DNM2: variants seen among roughly 807,000 people sequenced by gnomAD.
The protein encoded by DNM2 is dynamin 2, also known as dynamin-2.
DNM2 carries 15 observed loss-of-function variants against 99.0 expected under a neutral mutation model. The observed-to-expected ratio is 0.15, with a 90% CI of 0.10 to 0.23. DNM2 has a LOEUF of 0.23. Ranked by LOEUF, DNM2 falls within the 10% of genes least tolerant of loss-of-function variation. The pLI is 1.00. For missense variants in DNM2, 742 were observed against 1,189.4 expected (o/e 0.62, Z 5.53); for synonymous variants, 525 against 481.2 (o/e 1.09, Z -1.19).
intron 1 of DNM2, among the ~76,000 whole-genome samples, chr19:10,743,809 C>CAAAAAAA (rs35999203): frequency 3.7e-4 from 12 of 32,652 alleles, no homozygotes; most frequent in African/African-American, 1.6e-3. Context: ...GACTCTGTCT[C>CAAAAAAA]AAAAAAAAAA....
chr19:10,759,667 A>G (rs2070549851), intron 1 of DNM2, 71 bp from the exon 2 acceptor site: 3 of 1,590,740 alleles, frequency 1.9e-6, no homozygotes, highest in East Asian at 2.2e-5. Flanking sequence ...TTGCTCCACC[A>G]CATGTGGTCA....
chr19:10,719,260 G>A (rs937870782), intron 1 of DNM2, among the ~76,000 whole-genome samples: 1 of 152,168 alleles, frequency 6.6e-6, no homozygotes, highest in African/African-American at 2.4e-5. Flanking sequence ...GAACAGAGCT[G>A]AAGGAGGAGG....
At chr19:10,797,575 A>G in intron 10 of DNM2, 57 bp downstream of exon 10, 2 of 1,611,722 alleles carry the variant, frequency 1.2e-6, no homozygotes, top group Non-Finnish European at 1.7e-6. Flanking sequence ...TCCATGTGTT[A>G]GTCTCAACCC....
chr19:10,819,805 G>A (rs2072912400), intron 15 of DNM2, among the ~76,000 whole-genome samples, 175 bp from the exon 16 acceptor site: 1 of 152,198 alleles, frequency 6.6e-6, no homozygotes, highest in African/African-American at 2.4e-5. Flanking sequence ...GGAGGGCAGC[G>A]TGGCTGGGAC....
rs764707353 is a variant in DNM2, at chr19:10,825,143, G to A, written c.1980G>A (p.Val660=). 1.2e-6 allele frequency: 2 copies of A among 1,614,220 alleles called. No individual in the cohort carries two copies. Among genetic ancestry groups the A allele is most frequent in the East Asian group, 2.2e-5 (1 of 44,882 alleles). The part of the protein sequence containing the change: ...ERQVETIRNL[V]DSYVAIINKS... The stretch of plus-strand genomic sequence containing the variant: ...AGGTGGAGACCATTCGCAACCTGGT[G>A]GACTCATACGTGGCCATCATCAACA... The change falls in exon 18 of 21, where the codon GTG becomes GTA. Residue 660 remains valine, a synonymous_variant. Coordinates refer to ENST00000389253, the MANE Select transcript of DNM2 (RefSeq NM_001005361.3).
chr19:10,776,097 G>C (rs1055691000), intron 4 of DNM2, among the ~76,000 whole-genome samples, 191 bp downstream of exon 4: 10 of 152,114 alleles, frequency 6.6e-5, no homozygotes, highest in African/African-American at 2.4e-4. Flanking sequence ...TCACTGTGTG[G>C]CAGTTGGACG....
chr19:10,792,917 A>G (rs533337711), intron 7 of DNM2, among the ~76,000 whole-genome samples: 2 of 151,890 alleles, frequency 1.3e-5, no homozygotes, highest in African/African-American at 4.8e-5. Flanking sequence ...ATATATATAT[A>G]TTTTTTAATA....
chr19:10,829,644 G>T (rs1374888182), intron 19 of DNM2, among the ~76,000 whole-genome samples: 1 of 152,206 alleles, frequency 6.6e-6, no homozygotes, highest in Non-Finnish European at 1.5e-5. Flanking sequence ...AACGCAAGGC[G>T]TGGCCAGAGC....
Position 10,812,923 on chromosome 19 carries a change from G to T in DNM2, c.1671+546G>T, listed in dbSNP as rs569769732. Among the ~76,000 whole-genome samples the T allele has an allele frequency of 6.6e-6, 1 of 152,348 alleles. No individual in the cohort carries two copies. The highest frequency in any genetic ancestry group is 6.5e-5 in the Admixed American group (1 of 15,308). On this transcript the variant is annotated intron_variant, in intron 15 of 20. Coordinates refer to ENST00000389253, the MANE Select transcript of DNM2 (RefSeq NM_001005361.3). This position sits in a 1 kb window ranked among gnomAD's most constrained non-coding sequence, Gnocchi z 4.0. ...GTGCAAAAGGGAGATGGAGGGTGATGGAGTCACTAGCAGGCTAGAAACAGG... is the reference window on the plus strand; with the variant it reads ...GTGCAAAAGGGAGATGGAGGGTGATTGAGTCACTAGCAGGCTAGAAACAGG...
chr19:10,764,945 CTTGTTTTTTCTTT>C lies in DNM2; in HGVS notation c.235+5137_235+5149del, dbSNP rs907166348. Among the ~76,000 whole-genome samples, 55 of 151,666 alleles carry C rather than the reference CTTGTTTTTTCTTT, an allele frequency of 3.6e-4. 1 individual carries two copies. Among genetic ancestry groups the C allele is most frequent in the Middle Eastern group, 3.4e-3 (1 of 294 alleles). On this transcript the variant is annotated intron_variant, in intron 2 of 20. Transcript: ENST00000389253. This position sits in a 1 kb window ranked among gnomAD's most constrained non-coding sequence, Gnocchi z 4.1. ...CCCCGGCAGCACGAGTTATCCTGTT[CTTGTTTTTTCTTT>C]TTCTTTTTTTTTTTTTTTTGAGATG...
chr19:10,801,677 C>T (rs942617337), intron 11 of DNM2, among the ~76,000 whole-genome samples: 6 of 149,886 alleles, frequency 4.0e-5, no homozygotes, highest in East Asian at 2.0e-4. Flanking sequence ...GAGGCCGAGG[C>T]GGGCGGATCA....
intron 1 of DNM2, among the ~76,000 whole-genome samples, chr19:10,723,959 C>A (rs986364110): frequency 6.6e-6 from 1 of 152,092 alleles, no homozygotes; most frequent in African/African-American, 2.4e-5. Flanking sequence ...ATGGTGACAC[C>A]TGTAGTCCCA....
chr19:10,721,715 T>C lies in DNM2; in HGVS notation c.161+3312T>C, dbSNP rs571844059. On this transcript the variant is annotated intron_variant, in intron 1 of 20. Coordinates refer to ENST00000389253, the MANE Select transcript of DNM2 (RefSeq NM_001005361.3). ...TGAGCCATTGCGCCGAGCCTGGATTTTCTAAGGATGTGGTCCGAGTGGGAA... is the reference window on the plus strand; with the variant it reads ...TGAGCCATTGCGCCGAGCCTGGATTCTCTAAGGATGTGGTCCGAGTGGGAA... 2.6e-5 allele frequency among the ~76,000 whole-genome samples: 4 copies of C among 152,306 alleles called. No individual in the cohort carries two copies. The South Asian group carries it at 8.3e-4, about 32-fold the overall frequency.
At chr19:10,787,207 A>G (rs915574864) in intron 7 of DNM2, among the ~76,000 whole-genome samples, 1 of 151,850 alleles carries the variant, frequency 6.6e-6, no homozygotes, top group African/African-American at 2.4e-5. Context: ...GGTGGCTCAC[A>G]CCTGTAATCC....
intron 1 of DNM2, among the ~76,000 whole-genome samples, chr19:10,724,391 AT>A (rs1378134478): frequency 2.0e-5 from 3 of 152,180 alleles, no homozygotes; most frequent in Admixed American, 2.0e-4. Context: ...GTTAGCCAGG[AT>A]GGTCTCGATC....
At chr19:10,746,723 TTTTG>T (rs1599466942) in intron 1 of DNM2, among the ~76,000 whole-genome samples, 2 of 83,992 alleles carry the variant, frequency 2.4e-5, no homozygotes, top group East Asian at 1.4e-3. Flanking sequence ...CCGGCTTTTT[TTTTG>T]TTTTTTGTTT....
rs773480707 is a variant in DNM2, at chr19:10,759,750, C to T, written c.174C>T (p.Pro58=). 1.2e-6 allele frequency: 2 copies of T among 1,614,180 alleles called. No individual in the cohort carries two copies. Among genetic ancestry groups the T allele is most frequent in the Non-Finnish European group, 1.7e-6 (2 of 1,180,030 alleles). ...LENFVGRDFL[P]RGSGIVTRRP... Reference sequence around the variant, plus strand: ...CCCCCCCTCACAGGGACTTCCTTCCCCGCGGTTCAGGAATCGTCACCCGGC... The same window carrying T: ...CCCCCCCTCACAGGGACTTCCTTCCTCGCGGTTCAGGAATCGTCACCCGGC... Residue 58 remains proline, a synonymous_variant, in exon 2 of 21, where the codon CCC becomes CCT. Transcript: ENST00000389253.
At chr19:10,753,739 C>T (rs925314313) in intron 1 of DNM2, among the ~76,000 whole-genome samples, 1 of 151,510 alleles carries the variant, frequency 6.6e-6, no homozygotes, top group African/African-American at 2.4e-5. Flanking sequence ...TCATTCCAAC[C>T]TCTGCCTCCT....
chr19:10,800,976 C>T (rs1245804478), intron 11 of DNM2, among the ~76,000 whole-genome samples: 2 of 152,236 alleles, frequency 1.3e-5, no homozygotes, highest in Non-Finnish European at 2.9e-5. Context: ...ATTAGCTTCG[C>T]AGTTTTAATG....
Sources: allele counts gnomAD v4.1 joint callset (sites outside exome capture counted in the v4.1 genomes callset), GRCh38; gene constraint gnomAD v4.1.1; non-coding constraint Gnocchi (gnomAD v3.1); transcripts MANE v1.5; gene names NCBI Gene and HGNC (gene_info 2026-07-23, HGNC 2026-07-21).